IMPA2: variants seen among roughly 807,000 people sequenced by gnomAD.
The protein encoded by IMPA2 is IMP 2.
A neutral mutation model predicts 35.1 loss-of-function variants in IMPA2; 32 were observed. The observed-to-expected ratio is 0.91, with a 90% CI of 0.69 to 1.23. The LOEUF is 1.23. Among genes scored for constraint, IMPA2 ranks in the 50% most tolerant of loss-of-function variants. The pLI is 0.00. For missense variants in IMPA2, 334 were observed against 387.6 expected (o/e 0.86, Z 1.16); for synonymous variants, 135 against 160.6 (o/e 0.84, Z 1.20).
rs35737614 is a variant in IMPA2, at chr18:12,022,941, ATTTTTTTT to A, written c.491-5084_491-5077del. The stretch of plus-strand genomic sequence containing the variant: ...AAATGTGTGCCACCACGCCTGCCTA[ATTTTTTTT>A]TTTTTTTTTTTTTTTTTGTACTTTT... On this transcript the variant is annotated intron_variant, in intron 5 of 7. Transcript: ENST00000269159. Among the ~76,000 whole-genome samples the A allele has an allele frequency of 6.4e-4, 52 of 81,698 alleles. No individual in the cohort carries two copies. In the East Asian group the frequency reaches 0.012, roughly 18 times the overall value. 53.6% of individuals were successfully genotyped at this position (81,698 alleles called of 152,430 possible).
intron 1 of IMPA2, among the ~76,000 whole-genome samples, chr18:11,988,864 C>T (rs1238259847): frequency 1.3e-5 from 2 of 152,168 alleles, no homozygotes; most frequent in East Asian, 3.9e-4. Context: ...CAGGGTATCG[C>T]TTTGTTTCCC....
At chr18:12,007,643 CTTTCTTTCTTT>C (rs1907301833) in intron 2 of IMPA2, among the ~76,000 whole-genome samples, 1 of 93,788 alleles carries the variant, frequency 1.1e-5, no homozygotes, top group Non-Finnish European at 2.0e-5. Flanking sequence ...TTCTTTCTTT[CTTTCTTTCTTT>C]CTTTCTTTCT....
At position 12,030,765 on chromosome 18, in the gene IMPA2, T is replaced by TC; in HGVS notation, c.*313dup. The stretch of plus-strand genomic sequence containing the variant: ...GTATTGATAATCCAATCTTGATTTT[T>TC]CCCCCCAGAATATAAATCTCAGGTA... On this transcript the variant is annotated 3_prime_UTR_variant, in exon 8 of 8. Transcript: ENST00000269159. The TC allele has an allele frequency of 3.1e-6, 1 of 320,920 alleles. No individual in the cohort carries two copies. Among genetic ancestry groups the TC allele is most frequent in the Non-Finnish European group, 5.8e-6 (1 of 172,124 alleles). 19.9% of individuals were successfully genotyped at this position (320,920 alleles called of 1,614,324 possible).
At chr18:12,028,573 A>G in intron 6 of IMPA2, 1 of 507,064 alleles carries the variant, frequency 2.0e-6, no homozygotes, top group East Asian at 3.3e-5. Flanking sequence ...TCAGTAGAGG[A>G]GGATTCAATT....
intron 5 of IMPA2, among the ~76,000 whole-genome samples, chr18:12,018,805 A>G (rs546138419): frequency 6.6e-6 from 1 of 152,078 alleles, no homozygotes; most frequent in Non-Finnish European, 1.5e-5. Context: ...CTGTTATAAT[A>G]AGTTGTTTTG....
chr18:12,014,441 A>C, intron 5 of IMPA2, 68 bp downstream of exon 5: 1 of 971,648 alleles, frequency 1.0e-6, no homozygotes, highest in Non-Finnish European at 1.5e-6. Flanking sequence ...TGCCAAAGCC[A>C]CCATGATGTG....
At chr18:12,014,202 G>T in intron 4 of IMPA2, 63 bp from the exon 5 acceptor site, 2 of 1,158,802 alleles carry the variant, frequency 1.7e-6, no homozygotes, top group Admixed American at 1.7e-5. Flanking sequence ...GAATAACAAT[G>T]TTTTTTCCCA....
At chr18:12,014,210 C>A (rs1907511229) in intron 4 of IMPA2, 55 bp from the exon 5 acceptor site, 1 of 1,235,576 alleles carries the variant, frequency 8.1e-7, no homozygotes. Flanking sequence ...ATGTTTTTTC[C>A]CACATCAAAC....
At chr18:12,006,170 T>C (rs541585363) in intron 2 of IMPA2, among the ~76,000 whole-genome samples, 20 of 152,364 alleles carry the variant, frequency 1.3e-4, no homozygotes, top group Admixed American at 5.9e-4. Context: ...ACAGCACTTA[T>C]GATCACGCCC....
At chr18:12,025,417 G>A (rs952416448) in intron 5 of IMPA2, among the ~76,000 whole-genome samples, 7 of 152,238 alleles carry the variant, frequency 4.6e-5, no homozygotes, top group African/African-American at 1.2e-4. Flanking sequence ...GGTATGGTAA[G>A]AGTATGTTTA....
intron 1 of IMPA2, among the ~76,000 whole-genome samples, chr18:11,984,689 C>T (rs1047025616): frequency 6.6e-6 from 1 of 151,996 alleles, no homozygotes; most frequent in Non-Finnish European, 1.5e-5. Context: ...AAACTGTGGC[C>T]GGGCGCGGTG....
In IMPA2 at chr18:12,030,525, C is replaced by G. The variant is rs575102364; in HGVS notation, c.*67C>G. ...GCTGTGGGCTCCTGGGGAGGTGGCC[C>G]TCGTGGCCCACGCTCCATGCCAGTG... On this transcript the variant is annotated 3_prime_UTR_variant, in exon 8 of 8. Transcript: ENST00000269159. The G allele has an allele frequency of 3.8e-6, 5 of 1,300,716 alleles. No individual in the cohort carries two copies. In the East Asian group the frequency reaches 6.9e-5, roughly 18 times the overall value. The allele number at this position is 1,300,716 out of a possible 1,614,324, so 80.6% of individuals were successfully genotyped here.
chr18:11,984,350 G>A (rs546062982), intron 1 of IMPA2, among the ~76,000 whole-genome samples: 2 of 152,236 alleles, frequency 1.3e-5, no homozygotes, highest in East Asian at 3.9e-4. Flanking sequence ...TGGCTGTTGG[G>A]CTTTTGGGGA....
At chr18:11,996,205 A>G (rs1266380476) in intron 1 of IMPA2, among the ~76,000 whole-genome samples, 1 of 152,230 alleles carries the variant, frequency 6.6e-6, no homozygotes, top group African/African-American at 2.4e-5. Context: ...AGAAAACCCC[A>G]GAGCACAGCA....
intron 7 of IMPA2, 72 bp from the exon 8 acceptor site, chr18:12,030,271 A>T (rs1487672814): frequency 8.9e-7 from 1 of 1,121,622 alleles, no homozygotes; most frequent in African/African-American, 1.5e-5. Context: ...TGCATGTGGG[A>T]TAAGTTGTTA....
intron 2 of IMPA2, among the ~76,000 whole-genome samples, chr18:12,008,758 G>A (rs1316008994): frequency 6.6e-6 from 1 of 152,184 alleles, no homozygotes; most frequent in Non-Finnish European, 1.5e-5. Context: ...GTAGAGGCAA[G>A]TAGAGAAAAC....
chr18:12,007,662 TCTTTCTTTCTTTCTTTC>T lies in IMPA2; in HGVS notation c.231-2211_231-2195del, dbSNP rs1171181136. ...TTCTTTCTTTCTTTCTTTCTTTCTT[TCTTTCTTTCTTTCTTTC>T]CTTTCTTTCCTTTCTTTCCTTTCTT... On this transcript the variant is annotated intron_variant, in intron 2 of 7. Coordinates refer to ENST00000269159, the MANE Select transcript of IMPA2 (RefSeq NM_014214.3). Among the ~76,000 whole-genome samples the T allele has an allele frequency of 4.4e-4, 60 of 137,832 alleles. 1 individual carries two copies. The highest frequency in any genetic ancestry group is 9.7e-4 in the African/African-American group (33 of 34,112). 90.4% of individuals were successfully genotyped at this position (137,832 alleles called of 152,430 possible). A position where few individuals can be genotyped will look rare whatever the true frequency, so the allele number is the denominator to read the frequency against.
intron 4 of IMPA2, 145 bp from the exon 5 acceptor site, chr18:12,014,120 G>T: frequency 3.1e-6 from 2 of 650,964 alleles, no homozygotes; most frequent in Admixed American, 2.6e-5. Flanking sequence ...CTTTTTCTCA[G>T]TTCCTTTTGG....
chr18:11,981,551 C>G lies in IMPA2; in HGVS notation c.-119C>G. 1.6e-6 allele frequency: 1 copy of G among 623,838 alleles called. No homozygotes were observed. Among genetic ancestry groups the G allele is most frequent in the Non-Finnish European group, 2.3e-6 (1 of 434,804 alleles). The allele number at this position is 623,838 out of a possible 1,614,324, so 38.6% of individuals were successfully genotyped here. On this transcript the variant is annotated 5_prime_UTR_variant, in exon 1 of 8. Transcript: ENST00000269159. The stretch of plus-strand genomic sequence containing the variant: ...GGTGTGGGACGGGCGGCGGACTAGG[C>G]ACAGAGCTGCGGGAGCAGGCACAGG...
Sources: gnomAD v4.1 joint callset for allele counts (sites outside exome capture counted in the v4.1 genomes callset) on GRCh38, gnomAD v4.1.1 for gene constraint, MANE v1.5 for transcripts, NCBI Gene and HGNC (gene_info 2026-07-23, HGNC 2026-07-21) for gene names.